Variants in TBC1D26 observed in about 807,000 individuals in gnomAD.
TBC1D26 encodes TBC1 domain family, member 26.
Under a neutral mutation model 42.5 loss-of-function variants are expected in TBC1D26, and 19 were observed. The observed-to-expected ratio is 0.45, with a 90% confidence interval of 0.31 to 0.66. The LOEUF (loss-of-function observed/expected upper bound fraction) is 0.66, where lower values mean the gene tolerates loss of function less well. TBC1D26 is among the 30% of genes least tolerant of loss of function. The pLI is 0.06. For missense variants in TBC1D26, 228 were observed against 332.6 expected, an observed-to-expected ratio of 0.69 and a Z score of 2.45; for synonymous variants, 97 against 123.5, an observed-to-expected ratio of 0.79 and a Z score of 1.42.
chr17:15,743,594 CCCTCCTACCTGGTCTT>C, intron 14 of TBC1D26, 78 bp downstream of exon 14: 1 of 461,380 alleles, frequency 2.2e-6, no homozygotes, highest in Non-Finnish European at 2.9e-6. Context: ...GCCCCGCCAG[CCCTCCTACCTGGTCTT>C]CCTCCTGCAC....
chr17:15,740,509 C>G (rs1967749042), intron 9 of TBC1D26: 1 of 1,222,864 alleles, frequency 8.2e-7, no homozygotes, highest in African/African-American at 1.5e-5. Flanking sequence ...CTGGGGGAGC[C>G]TCTTCTTCAC....
intron 8 of TBC1D26, among the ~76,000 whole-genome samples, chr17:15,739,768 GAGGCTC>G (rs1225114449): frequency 6.6e-6 from 1 of 152,292 alleles, no homozygotes; most frequent in Non-Finnish European, 1.5e-5. Flanking sequence ...TGGTGGACGG[GAGGCTC>G]TGCACATTAG....
Position 15,741,970 on chromosome 17 carries a change from C to G in TBC1D26, c.675C>G (p.Leu225=), listed in dbSNP as rs200550508. ...TCTACAGCCCAAATACTGCCTGGCT[C>G]GAGAGGCTCCTATCGCACCAGGAGC... The part of the protein sequence containing the change: ...AVFYSPNTAW[L]ERLLSHQEQV... The change falls in exon 11 of 15, where the codon CTC becomes CTG. Residue 225 remains leucine, a synonymous_variant. Transcript: ENST00000437605. The G allele has an allele frequency of 5.0e-6, 8 of 1,613,938 alleles. No individual in the cohort carries two copies. The highest frequency in any genetic ancestry group is 1.6e-4 in the Middle Eastern group (1 of 6,082).
At chr17:15,742,227 G>C (rs977175018) in intron 11 of TBC1D26, among the ~76,000 whole-genome samples, 187 bp from the exon 12 acceptor site, 1 of 152,208 alleles carries the variant, frequency 6.6e-6, no homozygotes, top group Non-Finnish European at 1.5e-5. Flanking sequence ...GCTGGGACCA[G>C]GGCCGAGCTG....
intron 12 of TBC1D26, 63 bp downstream of exon 12, chr17:15,742,542 C>G (rs1967819331): frequency 5.3e-6 from 1 of 187,084 alleles, no homozygotes; most frequent in Non-Finnish European, 1.1e-5. Context: ...CCAGCTTCCT[C>G]AGCTCAGGGG....
At chr17:15,741,430 G>A (rs1179043048) in intron 10 of TBC1D26, 10 of 830,576 alleles carry the variant, frequency 1.2e-5, no homozygotes, top group East Asian at 5.5e-5. Flanking sequence ...CAAGTCAGAC[G>A]GCTTTCATCC....
At chr17:15,732,743 G>A (rs1470888320) in intron 1 of TBC1D26, among the ~76,000 whole-genome samples, 1 of 152,180 alleles carries the variant, frequency 6.6e-6, no homozygotes. Context: ...AAGAGCCACT[G>A]GGATGGAACT....
intron 9 of TBC1D26, chr17:15,740,465 G>A: frequency 7.5e-7 from 1 of 1,331,318 alleles, no homozygotes; most frequent in Admixed American, 3.3e-5. Flanking sequence ...GGTGCCTGAT[G>A]GGCCAGGCAC....
chr17:15,737,289 T>G (rs950064480), intron 4 of TBC1D26, among the ~76,000 whole-genome samples, 195 bp from the exon 5 acceptor site: 3 of 152,354 alleles, frequency 2.0e-5, no homozygotes, highest in East Asian at 1.9e-4. Context: ...GCTTTGAGCT[T>G]CTTCTTCTCC....
At chr17:15,737,262 C>T (rs112114630) in intron 4 of TBC1D26, among the ~76,000 whole-genome samples, 1 of 152,202 alleles carries the variant, frequency 6.6e-6, no homozygotes. Context: ...TTCAAGTGTC[C>T]CCCCCACCCA....
intron 1 of TBC1D26, chr17:15,734,720 C>G (rs918769026): frequency 1.2e-5 from 2 of 164,586 alleles, no homozygotes; most frequent in African/African-American, 4.8e-5. Flanking sequence ...AAAGTCCCCT[C>G]CTGTATTGAC....
chr17:15,735,282 G>T (rs879036503), intron 2 of TBC1D26, 66 bp from the exon 3 acceptor site: 4 of 1,111,372 alleles, frequency 3.6e-6, no homozygotes, highest in Non-Finnish European at 5.4e-6. Flanking sequence ...AGTGCAGTGC[G>T]TGTGGTTTGG....
chr17:15,743,279 C>A, intron 13 of TBC1D26, 88 bp from the exon 14 acceptor site: 1 of 700,836 alleles, frequency 1.4e-6, no homozygotes, highest in Non-Finnish European at 1.8e-6. Flanking sequence ...AGACACCACC[C>A]AGTGGGAGGT....
intron 2 of TBC1D26, 33 bp from the exon 3 acceptor site, chr17:15,735,315 G>A (rs1177979581): frequency 1.2e-6 from 2 of 1,608,610 alleles, no homozygotes; most frequent in African/African-American, 1.3e-5. Context: ...GCTCTTGGGT[G>A]CGGGAGAGCC....
chr17:15,740,667 A>G (rs1967752369), intron 9 of TBC1D26: 9 of 1,085,328 alleles, frequency 8.3e-6, no homozygotes, highest in Non-Finnish European at 1.0e-5. Flanking sequence ...AGCTGACTGC[A>G]TGAGCTGCCC....
rs550706199 is a variant in TBC1D26 at position 15,738,004 on chromosome 17, G to A, written c.206G>A (p.Arg69His). The change falls in exon 6 of 15, where the codon CGC becomes CAC. Residue 69 changes from arginine (R) to histidine (H), a missense_variant. Arg to His is a conservative substitution (Grantham distance 29). Coordinates refer to ENST00000437605, the MANE Select transcript of TBC1D26 (RefSeq NM_001388465.1). ...TCATGGCTCATTTGACAGCAAAGAC[G>A]CAAGGAAAGTAAACGTACCAACAAG... is the stretch of plus-strand genomic sequence containing the variant. ...HVSALEVKQR[R>H]KESKRTNKWQ... 2.5e-5 allele frequency: 40 copies of A among 1,613,994 alleles called. No individual in the cohort carries two copies. Among genetic ancestry groups the A allele is most frequent in the African/African-American group, 2.3e-4 (17 of 74,922 alleles).
Position 15,740,214 on chromosome 17 carries a change from T to C in TBC1D26, c.546+66T>C, listed in dbSNP as rs2529970. On this transcript the variant is annotated intron_variant, in intron 9 of 14. Coordinates refer to ENST00000437605, the MANE Select transcript of TBC1D26 (RefSeq NM_001388465.1). Reference sequence around the variant, plus strand: ...CATATTCACAGGCATGGGTGTCTCTTGGGGGTGTTGCAACTTCTTGAAAAT... The same window carrying C: ...CATATTCACAGGCATGGGTGTCTCTCGGGGGTGTTGCAACTTCTTGAAAAT... 2.6e-3 allele frequency: 4,243 copies of C among 1,613,392 alleles called. 41 individuals carry two copies. The African/African-American group carries it at 0.043, about 16-fold the overall frequency.
At chr17:15,741,859 C>T in intron 10 of TBC1D26, 83 bp from the exon 11 acceptor site, 1 of 1,440,084 alleles carries the variant, frequency 6.9e-7, no homozygotes, top group Admixed American at 1.8e-5. Context: ...TCTGGGGTCC[C>T]CTGCCCTGCC....
At chr17:15,736,245 G>C (rs1426073035) in intron 4 of TBC1D26, among the ~76,000 whole-genome samples, 1 of 152,274 alleles carries the variant, frequency 6.6e-6, no homozygotes, top group Non-Finnish European at 1.5e-5. Context: ...CCCGGGAGTG[G>C]TGCAGGGAAG....
Sources: gnomAD v4.1 joint callset for allele counts (sites outside exome capture counted in the v4.1 genomes callset) on GRCh38, gnomAD v4.1.1 for gene constraint, MANE v1.5 for transcripts, NCBI Gene and HGNC (gene_info 2026-07-23, HGNC 2026-07-21) for gene names.